The following DLGAP4 variants were observed in gnomAD, a reference collection of about 807,000 sequenced individuals.
DLGAP4 encodes the protein DLG associated protein 4.
In DLGAP4, 18 loss-of-function variants were observed where a neutral mutation model predicts 86.9. The ratio of observed to expected loss-of-function variants is 0.21; its 90% CI spans 0.14 to 0.31. The LOEUF is 0.31. DLGAP4 is among the 10% of genes least tolerant of loss of function. The pLI, the probability that DLGAP4 is intolerant of heterozygous loss-of-function variation, is 1.00. For missense variants in DLGAP4, 1,085 were observed against 1,362.6 expected, an observed-to-expected ratio of 0.80 and a Z score of 3.21; for synonymous variants, 548 against 574.3, an observed-to-expected ratio of 0.95 and a Z score of 0.65.
chr20:36,417,362 GTTTTGT>G (rs150421933), intron 2 of DLGAP4, among the ~76,000 whole-genome samples: 85,878 of 149,286 alleles, frequency 0.58, 24,848 homozygotes, highest in Middle Eastern at 0.64. Context: ...TGGAGTTTGA[GTTTTGT>G]TTTTGTTTTT....
intron 4 of DLGAP4, among the ~76,000 whole-genome samples, chr20:36,436,920 C>T (rs1433602519): frequency 6.6e-6 from 1 of 152,186 alleles, no homozygotes; most frequent in African/African-American, 2.4e-5. Flanking sequence ...CACTTGTGAG[C>T]CCTCCAGGGG....
intron 7 of DLGAP4, chr20:36,465,298 T>C (rs1488337304): frequency 6.6e-6 from 1 of 152,162 alleles, no homozygotes; most frequent in African/African-American, 2.4e-5. Flanking sequence ...AGCCAGGCTC[T>C]TTCCCGACCA....
chr20:36,403,231 C>T (rs766562605), intron 2 of DLGAP4, among the ~76,000 whole-genome samples: 6 of 152,076 alleles, frequency 3.9e-5, no homozygotes, highest in Non-Finnish European at 5.9e-5. Context: ...CTTGCTATGT[C>T]ATAACATGGT....
intron 2 of DLGAP4, among the ~76,000 whole-genome samples, chr20:36,387,209 T>C (rs1357848383): frequency 2.0e-5 from 3 of 152,224 alleles, no homozygotes; most frequent in Admixed American, 2.0e-4. Context: ...TCTTTAATTT[T>C]GCCAATCTGC....
At chr20:36,348,243 G>T (rs1273442491) in intron 1 of DLGAP4, among the ~76,000 whole-genome samples, 1 of 152,198 alleles carries the variant, frequency 6.6e-6, no homozygotes, top group East Asian at 1.9e-4. Flanking sequence ...GATATGGGGG[G>T]ACAATTAGCA....
intron 7 of DLGAP4, among the ~76,000 whole-genome samples, chr20:36,470,730 G>C (rs569539676): frequency 1.7e-4 from 26 of 152,148 alleles, no homozygotes; most frequent in African/African-American, 6.0e-4. Flanking sequence ...CAGTGGCATA[G>C]TCTCTCCCTA....
At chr20:36,396,470 T>TAC (rs2031984006) in intron 2 of DLGAP4, among the ~76,000 whole-genome samples, 11 of 9,852 alleles carry the variant, frequency 1.1e-3, no homozygotes, top group Non-Finnish European at 1.4e-3. Context: ...CACACACACA[T>TAC]ACACATCACA....
chr20:36,353,900 C>A (rs782015924), intron 1 of DLGAP4, among the ~76,000 whole-genome samples: 9 of 152,258 alleles, frequency 5.9e-5, no homozygotes, highest in Non-Finnish European at 1.3e-4. Flanking sequence ...TCATGTCCAT[C>A]TGAGTCAGAG....
At chr20:36,477,681 C>T (rs1277659927) in intron 7 of DLGAP4, among the ~76,000 whole-genome samples, 1 of 152,236 alleles carries the variant, frequency 6.6e-6, no homozygotes, top group Admixed American at 6.5e-5. Context: ...TCAGCTTCCT[C>T]TTCTGGGAAA....
At position 36,500,455 on chromosome 20, in the gene DLGAP4, A is replaced by G; in HGVS notation, c.2356A>G (p.Thr786Ala). The change falls in exon 10 of 13, where the codon ACC becomes GCC. Residue 786 changes from threonine to alanine, a missense_variant. Around this residue, in one of 2 missense-constraint regions of DLGAP4, gnomAD observed 1,082 missense variants for 1,344.1 expected, o/e 0.81. Coordinates refer to ENST00000339266, the MANE Select transcript of DLGAP4 (RefSeq NM_001365621.2). The surrounding 1 kb of genome is among the most constrained non-coding windows in gnomAD (Gnocchi z 4.6). ...SLPPPDPWLE[T>A]SSSSPAEPAQ... ...GCCCCCACCCGACCCCTGGCTCGAG[A>G]CCTCCTCCAGCTCCCCAGCAGAGCC... The G allele has an allele frequency of 6.3e-7, 1 of 1,582,854 alleles. No individual in the cohort carries two copies. The highest frequency in any genetic ancestry group is 8.6e-7 in the Non-Finnish European group (1 of 1,162,792).
chr20:36,349,953 C>T (rs868920422), intron 1 of DLGAP4, among the ~76,000 whole-genome samples: 5 of 152,190 alleles, frequency 3.3e-5, no homozygotes, highest in East Asian at 1.9e-4. Context: ...ACCCCTGCCC[C>T]GTGTTTCCGC....
intron 10 of DLGAP4, among the ~76,000 whole-genome samples, chr20:36,511,235 C>T (rs2036676739): frequency 6.6e-6 from 1 of 152,160 alleles, no homozygotes. Flanking sequence ...AAAGGTCTCA[C>T]TCTGTCACTG....
At chr20:36,368,212 G>A (rs1027012143) in intron 2 of DLGAP4, among the ~76,000 whole-genome samples, 16 of 152,194 alleles carry the variant, frequency 1.1e-4, no homozygotes, top group Admixed American at 7.8e-4. Flanking sequence ...GGACCTGAGC[G>A]CCTCCTGGCC....
Position 36,515,048 on chromosome 20 carries a change from G to A in DLGAP4, c.2513-9202G>A, listed in dbSNP as rs377281802. Among the ~76,000 whole-genome samples, 13 of 152,226 alleles carry A rather than the reference G, an allele frequency of 8.5e-5. No homozygotes were observed. The East Asian group carries it at 2.5e-3, about 29-fold the overall frequency. On this transcript the variant is annotated intron_variant, in intron 10 of 12. Transcript: ENST00000339266. Reference sequence around the variant, plus strand: ...AGAGGAGGCCCACCAGTCACTCCAAGGACCACTGAGATTAGGTGTGAAGGC... The same window carrying A: ...AGAGGAGGCCCACCAGTCACTCCAAAGACCACTGAGATTAGGTGTGAAGGC...
intron 1 of DLGAP4, among the ~76,000 whole-genome samples, chr20:36,313,492 G>A (rs2065070241): frequency 6.6e-6 from 1 of 152,080 alleles, no homozygotes; most frequent in South Asian, 2.1e-4. Flanking sequence ...TACTGTGAGG[G>A]CTGGGCTGTG....
At position 36,498,262 on chromosome 20, in the gene DLGAP4, T is replaced by G. The variant is rs546654556; in HGVS notation, c.2010+1196T>G. 5.3e-5 allele frequency: 8 copies of G among 152,042 alleles called. No homozygotes were observed. In the East Asian group the frequency reaches 1.4e-3, roughly 26 times the overall value. 9.4% of individuals were successfully genotyped at this position (152,042 alleles called of 1,614,324 possible). A position where few individuals can be genotyped will look rare whatever the true frequency, so the allele number is the denominator to read the frequency against. Reference sequence around the variant, plus strand: ...TCCCCATGTATAAACAGAGAGAGAGTTGGCCAGGAGACTCTGCTGCTGTTT... The same window carrying G: ...TCCCCATGTATAAACAGAGAGAGAGGTGGCCAGGAGACTCTGCTGCTGTTT... On this transcript the variant is annotated intron_variant, in intron 8 of 12. Transcript: ENST00000339266.
rs2037700003 is a variant in DLGAP4, at chr20:36,525,555, T to C, written c.2605-296T>C. On this transcript the variant is annotated intron_variant, in intron 11 of 12. Coordinates refer to ENST00000339266, the MANE Select transcript of DLGAP4 (RefSeq NM_001365621.2). ...CACTGTCACACCATGGCCAAGAACT[T>C]CTGTTTCTTCCCTGCAAAACGAGAA... 6.4e-6 allele frequency: 3 copies of C among 468,654 alleles called. No homozygotes were observed. The East Asian group carries it at 1.1e-4, about 17-fold the overall frequency. 29.0% of individuals were successfully genotyped at this position (468,654 alleles called of 1,614,324 possible).
chr20:36,376,092 G>A (rs2147433687), intron 2 of DLGAP4, among the ~76,000 whole-genome samples: 1 of 152,114 alleles, frequency 6.6e-6, no homozygotes, highest in Non-Finnish European at 1.5e-5. Context: ...TCTAACTCCT[G>A]GGCTCAAGTG....
intron 2 of DLGAP4, among the ~76,000 whole-genome samples, chr20:36,396,354 TACCACAC>T (rs2031958258): frequency 5.9e-4 from 3 of 5,050 alleles, no homozygotes; most frequent in South Asian, 7.1e-3. Context: ...CACACACACA[TACCACAC>T]GCACATACAC....
Sources: allele counts gnomAD v4.1 joint callset (sites outside exome capture counted in the v4.1 genomes callset), GRCh38; gene constraint gnomAD v4.1.1; regional missense constraint gnomAD v4.1.1; non-coding constraint Gnocchi (gnomAD v3.1); transcripts MANE v1.5; gene names NCBI Gene and HGNC (gene_info 2026-07-23, HGNC 2026-07-21).